Variants in DACH1 observed in about 807,000 individuals in gnomAD.
The protein encoded by DACH1 is dachshund family transcription factor 1.
Under a neutral mutation model 54.2 loss-of-function variants are expected in DACH1, and 12 were observed. The ratio of observed to expected loss-of-function variants is 0.22; its 90% CI spans 0.14 to 0.36. The LOEUF (loss-of-function observed/expected upper bound fraction) is 0.36, where lower values mean the gene tolerates loss of function less well. DACH1 is among the 10% of genes least tolerant of loss of function. DACH1 has a pLI of 1.00. For synonymous variants in DACH1, 386 were observed against 366.2 expected, an observed-to-expected ratio of 1.05 and a Z score of -0.62; for missense variants, 805 against 929.8, an observed-to-expected ratio of 0.87 and a Z score of 1.75.
At position 71,511,912 on chromosome 13, in the gene DACH1, G is replaced by C. The variant is rs1046871280; in HGVS notation, c.1571-22764C>G. Among the ~76,000 whole-genome samples the C allele has an allele frequency of 9.9e-5, 15 of 151,926 alleles. 1 individual carries two copies. Among genetic ancestry groups the C allele is most frequent in the Non-Finnish European group, 1.0e-4 (7 of 67,942 alleles). On this transcript the variant is annotated intron_variant, in intron 6 of 10. Transcript: ENST00000613252. ...AACTCAGCATCAATTTGTCTTTACT[G>C]ATCTACTCTGGCCTTGGGTCCTGCT...
At chr13:71,744,427 A>G (rs1366349871) in intron 1 of DACH1, among the ~76,000 whole-genome samples, 2 of 152,194 alleles carry the variant, frequency 1.3e-5, no homozygotes, top group Admixed American at 6.5e-5. Flanking sequence ...CTGAGGAAGC[A>G]CTAAAGGTAT....
chr13:71,544,536 A>G (rs1340485201), intron 6 of DACH1, among the ~76,000 whole-genome samples: 1 of 152,116 alleles, frequency 6.6e-6, no homozygotes, highest in African/African-American at 2.4e-5. Flanking sequence ...CTGTTAAGAA[A>G]TCATTTACTG....
chr13:71,680,605 TA>T (rs952728217), intron 2 of DACH1, among the ~76,000 whole-genome samples: 2 of 152,048 alleles, frequency 1.3e-5, no homozygotes, highest in African/African-American at 4.8e-5. Flanking sequence ...CTCTTTGTCT[TA>T]AAAACAAAAA....
intron 10 of DACH1, among the ~76,000 whole-genome samples, chr13:71,445,009 AT>A (rs1874323170): frequency 6.6e-6 from 1 of 152,108 alleles, no homozygotes; most frequent in Admixed American, 6.5e-5. Context: ...CCTCAATACT[AT>A]CACCCTAAGA....
chr13:71,635,841 T>C (rs993984842), intron 2 of DACH1, among the ~76,000 whole-genome samples: 2 of 152,096 alleles, frequency 1.3e-5, no homozygotes, highest in Non-Finnish European at 2.9e-5. Flanking sequence ...AGTGCAGTAG[T>C]GGGATCTCGT....
At chr13:71,527,443 T>C (rs184163735) in intron 6 of DACH1, among the ~76,000 whole-genome samples, 305 of 152,298 alleles carry the variant, frequency 2.0e-3, no homozygotes, top group African/African-American at 6.7e-3. Context: ...TTTCCCAAAA[T>C]TGGAGTAGAA....
At chr13:71,648,773 C>T (rs543686106) in intron 2 of DACH1, among the ~76,000 whole-genome samples, 220 of 152,136 alleles carry the variant, frequency 1.4e-3, no homozygotes, top group African/African-American at 5.1e-3. Flanking sequence ...TGCCATAGGA[C>T]GCATAAAAGG....
At chr13:71,641,683 T>C (rs895667796) in intron 2 of DACH1, among the ~76,000 whole-genome samples, 3 of 152,152 alleles carry the variant, frequency 2.0e-5, no homozygotes, top group African/African-American at 7.2e-5. Flanking sequence ...TCTCAAATGG[T>C]TGGCATCTCC....
chr13:71,843,608 A>G (rs1430192817), intron 1 of DACH1, among the ~76,000 whole-genome samples: 1 of 152,108 alleles, frequency 6.6e-6, no homozygotes, highest in Non-Finnish European at 1.5e-5. Context: ...CTAGGATTCT[A>G]TTGGATTTTG....
At chr13:71,484,109 G>A (rs752687161) in intron 7 of DACH1, among the ~76,000 whole-genome samples, 1 of 152,104 alleles carries the variant, frequency 6.6e-6, no homozygotes, top group Non-Finnish European at 1.5e-5. Context: ...ACCATGGTTG[G>A]ATTATGTCCA....
At chr13:71,512,256 G>A (rs2138260273) in intron 6 of DACH1, among the ~76,000 whole-genome samples, 1 of 151,568 alleles carries the variant, frequency 6.6e-6, no homozygotes, top group South Asian at 2.1e-4. Context: ...CCCACCTGTT[G>A]GCATTCTGCA....
chr13:71,505,165 G>A lies in DACH1; in HGVS notation c.1571-16017C>T, dbSNP rs1049023576. Among the ~76,000 whole-genome samples the A allele has an allele frequency of 3.3e-5, 5 of 151,778 alleles. No homozygotes were observed. The East Asian group carries it at 7.8e-4, about 24-fold the overall frequency. On this transcript the variant is annotated intron_variant, in intron 6 of 10. Transcript: ENST00000613252. ...TGGCAAGATCTCGGTTCACTGCAACGTCCGGCTCCGAAGTTCAGGTGATTC... is the reference window on the plus strand; with the variant it reads ...TGGCAAGATCTCGGTTCACTGCAACATCCGGCTCCGAAGTTCAGGTGATTC...
chr13:71,662,567 C>G (rs1244905886), intron 2 of DACH1, among the ~76,000 whole-genome samples: 1 of 151,862 alleles, frequency 6.6e-6, no homozygotes, highest in East Asian at 1.9e-4. Context: ...TATGATAAAT[C>G]CCAATAGATG....
intron 1 of DACH1, among the ~76,000 whole-genome samples, chr13:71,742,037 G>A (rs1233103888): frequency 2.0e-5 from 3 of 152,110 alleles, no homozygotes; most frequent in Non-Finnish European, 4.4e-5. Context: ...AATCATGGGG[G>A]CCAGTCTTTC....
At chr13:71,680,850 A>T (rs1425991962) in intron 2 of DACH1, among the ~76,000 whole-genome samples, 1 of 152,166 alleles carries the variant, frequency 6.6e-6, no homozygotes, top group Non-Finnish European at 1.5e-5. Context: ...ATCCATGATT[A>T]TATCAGAGCA....
chr13:71,724,897 C>A (rs1883399301), intron 1 of DACH1, among the ~76,000 whole-genome samples: 3 of 151,910 alleles, frequency 2.0e-5, no homozygotes, highest in African/African-American at 7.2e-5. Context: ...ATGGATGAAC[C>A]TTTATGTTAT....
intron 3 of DACH1, among the ~76,000 whole-genome samples, chr13:71,595,536 G>A (rs1299659834): frequency 6.6e-6 from 1 of 152,130 alleles, no homozygotes; most frequent in South Asian, 2.1e-4. Context: ...TATGTTAGAT[G>A]TATAACAGAG....
At chr13:71,561,728 T>C (rs1566342998) in intron 4 of DACH1, among the ~76,000 whole-genome samples, 1 of 152,166 alleles carries the variant, frequency 6.6e-6, no homozygotes, top group Non-Finnish European at 1.5e-5. Context: ...CTTCGGTATC[T>C]TTTTAAAAGC....
At chr13:71,597,289 C>T (rs541704530) in intron 3 of DACH1, among the ~76,000 whole-genome samples, 26 of 152,172 alleles carry the variant, frequency 1.7e-4, no homozygotes, top group African/African-American at 4.8e-4. Flanking sequence ...TTAATGCATA[C>T]GTAAGCTGGC....
Sources: gnomAD v4.1 joint callset for allele counts (sites outside exome capture counted in the v4.1 genomes callset) on GRCh38, gnomAD v4.1.1 for gene constraint, MANE v1.5 for transcripts, NCBI Gene and HGNC (gene_info 2026-07-23, HGNC 2026-07-21) for gene names.